FHIP1A: variants seen among roughly 807,000 people sequenced by gnomAD.
The protein encoded by FHIP1A is FHF complex subunit HOOK-interacting protein 1A.
FHIP1A carries 61 observed loss-of-function variants against 88.6 expected under a neutral mutation model. That is an observed-to-expected ratio of 0.69 (90% confidence interval 0.56 to 0.85). The LOEUF is 0.85. Among genes scored for constraint, FHIP1A ranks in the 40% least tolerant of loss-of-function variants. The pLI is 0.00. For missense variants in FHIP1A, 1,154 were observed against 1,273.5 expected, an observed-to-expected ratio of 0.91 and a Z score of 1.43; for synonymous variants, 478 against 496.0, an observed-to-expected ratio of 0.96 and a Z score of 0.48.
chr4:151,625,686 A>G (rs1735928436), intron 7 of FHIP1A, among the ~76,000 whole-genome samples: 1 of 152,212 alleles, frequency 6.6e-6, no homozygotes, highest in South Asian at 2.1e-4. Flanking sequence ...AATGTGATGC[A>G]TGGTGTCACC....
At chr4:151,484,094 G>GGC (rs969942762) in intron 3 of FHIP1A, among the ~76,000 whole-genome samples, 10 of 152,048 alleles carry the variant, frequency 6.6e-5, no homozygotes, top group African/African-American at 2.4e-4. Flanking sequence ...TCTGTTACAG[G>GGC]GCTTTTCCCA....
Position 151,649,982 on chromosome 4 carries a change from G to T in FHIP1A, c.1941G>T (p.Leu647=), listed in dbSNP as rs1457797430. 2 of 1,551,554 alleles carry T rather than the reference G, an allele frequency of 1.3e-6. No homozygotes were observed. The highest frequency in any genetic ancestry group is 2.7e-5 in the African/African-American group (2 of 73,028). ...AGGATGATGTGATGGTGTACAGGCT[G>T]TGTGCTGAGAAGGACTCCGAGGACA... is the stretch of plus-strand genomic sequence containing the variant. ...DFQDDVMVYR[L]CAEKDSEDMK... is the part of the protein sequence containing the mutation. Residue 647 remains leucine (L), a synonymous_variant, in exon 11 of 14, where the codon CTG becomes CTT. Coordinates refer to ENST00000435205, the MANE Select transcript of FHIP1A (RefSeq NM_001109977.3).
chr4:151,445,220 A>C (rs1425184010), intron 1 of FHIP1A, among the ~76,000 whole-genome samples: 3 of 152,164 alleles, frequency 2.0e-5, no homozygotes, highest in African/African-American at 7.2e-5. Flanking sequence ...CAAATGAACA[A>C]CCAGGTGAAG....
intron 13 of FHIP1A, among the ~76,000 whole-genome samples, chr4:151,661,802 A>G (rs543756924): frequency 1.4e-4 from 21 of 152,334 alleles, no homozygotes; most frequent in South Asian, 6.2e-4. Flanking sequence ...ACCCTCCTTC[A>G]ATATAGGCTT....
rs539830345 is a variant in FHIP1A at position 151,470,871 on chromosome 4, T to TTGG, written c.-247-11652_-247-11650dup. 1.4e-3 allele frequency among the ~76,000 whole-genome samples: 219 copies of TTGG among 152,262 alleles called. 1 individual carries two copies. The highest frequency in any genetic ancestry group is 4.7e-3 in the African/African-American group (196 of 41,564). On this transcript the variant is annotated intron_variant, in intron 2 of 13. Coordinates refer to ENST00000435205, the MANE Select transcript of FHIP1A (RefSeq NM_001109977.3). Reference sequence around the variant, plus strand: ...TACTGAAGTTTTCATTTTCCTTTCTTTGGACTGTGGCCGTATTGTATTTTT... The same window carrying TTGG: ...TACTGAAGTTTTCATTTTCCTTTCTTTGGTGGACTGTGGCCGTATTGTATTTTT...
intron 3 of FHIP1A, among the ~76,000 whole-genome samples, chr4:151,517,992 G>T (rs1191098350): frequency 1.3e-5 from 2 of 152,100 alleles, no homozygotes; most frequent in Non-Finnish European, 2.9e-5. Context: ...ATTGAAGAAA[G>T]AAAATATTTT....
chr4:151,653,954 A>T (rs533992192), intron 11 of FHIP1A, among the ~76,000 whole-genome samples: 2 of 152,096 alleles, frequency 1.3e-5, no homozygotes, highest in Admixed American at 1.3e-4. Context: ...CTCTTAGGAG[A>T]TGTGGGAAGA....
intron 3 of FHIP1A, among the ~76,000 whole-genome samples, chr4:151,516,249 T>C (rs1388905329): frequency 7.2e-5 from 11 of 152,064 alleles, no homozygotes; most frequent in Admixed American, 5.9e-4. Context: ...GCTAGCCATA[T>C]GTAGAAAGCT....
chr4:151,587,641 A>T (rs543148558), intron 6 of FHIP1A, among the ~76,000 whole-genome samples: 3 of 151,956 alleles, frequency 2.0e-5, no homozygotes, highest in Non-Finnish European at 4.4e-5. Context: ...AGCATTAGGT[A>T]TATCTCCTAA....
intron 3 of FHIP1A, among the ~76,000 whole-genome samples, chr4:151,557,066 A>T (rs1189219274): frequency 6.6e-6 from 1 of 152,026 alleles, no homozygotes; most frequent in Non-Finnish European, 1.5e-5. Context: ...TTGCAATTTC[A>T]CTCTAATAGT....
At chr4:151,641,357 T>C (rs747387867) in intron 9 of FHIP1A, among the ~76,000 whole-genome samples, 4 of 152,196 alleles carry the variant, frequency 2.6e-5, no homozygotes, top group African/African-American at 7.2e-5. Context: ...GGTTTTGGAG[T>C]ATGCCACCTC....
intron 3 of FHIP1A, among the ~76,000 whole-genome samples, chr4:151,512,737 A>C (rs1197163914): frequency 6.6e-6 from 1 of 152,166 alleles, no homozygotes; most frequent in Non-Finnish European, 1.5e-5. Context: ...TGAAGTGAGA[A>C]GGGAAGTTTA....
intron 13 of FHIP1A, among the ~76,000 whole-genome samples, chr4:151,660,687 A>G (rs1290595115): frequency 6.6e-6 from 1 of 152,212 alleles, no homozygotes; most frequent in Non-Finnish European, 1.5e-5. Flanking sequence ...TAGTTGGTCA[A>G]TAACATGGAG....
In FHIP1A at chr4:151,426,111, G is replaced by A. The variant is rs539766625; in HGVS notation, c.-356+16646G>A. 3.1e-4 allele frequency among the ~76,000 whole-genome samples: 47 copies of A among 152,124 alleles called. No homozygotes were observed. The East Asian group carries it at 7.3e-3, about 24-fold the overall frequency. On this transcript the variant is annotated intron_variant, in intron 1 of 13. Coordinates refer to ENST00000435205, the MANE Select transcript of FHIP1A (RefSeq NM_001109977.3). Reference sequence around the variant, plus strand: ...TTGCTTTTAAAAAAACAAGCGGGGCGGAGAGAGGAAATGGAAGATTATAGT... The same window carrying A: ...TTGCTTTTAAAAAAACAAGCGGGGCAGAGAGAGGAAATGGAAGATTATAGT...
intron 3 of FHIP1A, among the ~76,000 whole-genome samples, chr4:151,501,604 AT>A (rs772332711): frequency 2.0e-5 from 3 of 151,606 alleles, no homozygotes; most frequent in Non-Finnish European, 4.4e-5. Flanking sequence ...TAATTTTTAA[AT>A]TATGGCCATT....
chr4:151,440,315 C>G (rs189331016), intron 1 of FHIP1A, among the ~76,000 whole-genome samples: 45 of 152,282 alleles, frequency 3.0e-4, no homozygotes, highest in Non-Finnish European at 4.4e-4. Flanking sequence ...CAAACCATGT[C>G]AGTAAGCTTC....
intron 9 of FHIP1A, among the ~76,000 whole-genome samples, chr4:151,646,290 A>G (rs969387620): frequency 1.3e-4 from 20 of 152,220 alleles, no homozygotes; most frequent in Non-Finnish European, 2.9e-5. Flanking sequence ...GCACAAAGGC[A>G]TGGAGTTTGA....
intron 3 of FHIP1A, among the ~76,000 whole-genome samples, chr4:151,512,232 C>A (rs1731064135): frequency 1.3e-5 from 2 of 152,196 alleles, no homozygotes; most frequent in African/African-American, 4.8e-5. Flanking sequence ...AGGGTCCTGT[C>A]TGTTAGAAGG....
intron 3 of FHIP1A, among the ~76,000 whole-genome samples, chr4:151,557,452 T>C (rs1333512511): frequency 6.6e-6 from 1 of 152,214 alleles, no homozygotes; most frequent in Non-Finnish European, 1.5e-5. Context: ...CAAAAGACAT[T>C]GATACACACA....
Sources: allele counts gnomAD v4.1 joint callset (sites outside exome capture counted in the v4.1 genomes callset), GRCh38; gene constraint gnomAD v4.1.1; transcripts MANE v1.5; gene names NCBI Gene and HGNC (gene_info 2026-07-23, HGNC 2026-07-21).